CTNND2: variants seen among roughly 807,000 people sequenced by gnomAD.
CTNND2 encodes catenin delta 2, also known as catenin delta-2.
A neutral mutation model predicts 144.4 loss-of-function variants in CTNND2; 22 were observed. The observed-to-expected ratio is 0.15, with a 90% CI of 0.11 to 0.22. CTNND2 has a LOEUF of 0.22. CTNND2 is among the 10% of genes least tolerant of loss of function. The pLI is 1.00. For synonymous variants in CTNND2, 751 were observed against 695.6 expected (o/e 1.08, Z -1.25); for missense variants, 1,353 against 1,618.8 (o/e 0.84, Z 2.82).
intron 9 of CTNND2, among the ~76,000 whole-genome samples, chr5:11,346,045 A>G (rs1754744696): frequency 1.3e-5 from 2 of 152,208 alleles, no homozygotes; most frequent in African/African-American, 4.8e-5. Flanking sequence ...TATGTAGGCC[A>G]TGATATCTGA....
chr5:11,226,036 C>T (rs1740303559), intron 10 of CTNND2, among the ~76,000 whole-genome samples: 1 of 152,192 alleles, frequency 6.6e-6, no homozygotes, highest in Admixed American at 6.5e-5. Flanking sequence ...AGAAGCCAGG[C>T]AGAGGCAAGG....
chr5:11,397,441 A>C (rs1276846048), intron 5 of CTNND2, among the ~76,000 whole-genome samples: 1 of 152,158 alleles, frequency 6.6e-6, no homozygotes, highest in Non-Finnish European at 1.5e-5. Flanking sequence ...AGATTTTTCA[A>C]ATGATCTCAT....
intron 3 of CTNND2, among the ~76,000 whole-genome samples, chr5:11,468,922 T>A (rs150990552): frequency 3.4e-3 from 519 of 152,264 alleles, no homozygotes; most frequent in African/African-American, 0.012. Context: ...GCCTGTGCTG[T>A]GGCCCTAAGG....
At chr5:11,412,503 A>G (rs1006805716) in intron 3 of CTNND2, among the ~76,000 whole-genome samples, 6 of 152,118 alleles carry the variant, frequency 3.9e-5, no homozygotes, top group Admixed American at 2.0e-4. Context: ...CCATTTAGCC[A>G]TATCATATTA....
At chr5:11,745,579 T>C (rs1378686084) in intron 1 of CTNND2, among the ~76,000 whole-genome samples, 1 of 152,160 alleles carries the variant, frequency 6.6e-6, no homozygotes, top group Middle Eastern at 3.2e-3. Flanking sequence ...ATACTATACA[T>C]TTGTAATAAG....
chr5:11,141,930 T>G lies in CTNND2; in HGVS notation c.2159+17646A>C, dbSNP rs572067322. 1.8e-3 allele frequency among the ~76,000 whole-genome samples: 268 copies of G among 152,296 alleles called. 1 individual carries two copies. The highest frequency in any genetic ancestry group is 3.5e-4 in the Non-Finnish European group (24 of 68,022). ...GAGGGCTCTCAATGGATTAACATTT[T>G]TATGGGAGTGGGTTCCTTATTGCAA... On this transcript the variant is annotated intron_variant, in intron 12 of 21. Coordinates refer to ENST00000304623, the MANE Select transcript of CTNND2 (RefSeq NM_001332.4).
chr5:11,419,931 A>G (rs896123622), intron 3 of CTNND2, among the ~76,000 whole-genome samples: 2 of 152,208 alleles, frequency 1.3e-5, no homozygotes, highest in African/African-American at 4.8e-5. Context: ...AAAATGAAAT[A>G]AAGGTACAGA....
chr5:11,902,810 C>A (rs1738017955), intron 1 of CTNND2, among the ~76,000 whole-genome samples: 1 of 152,108 alleles, frequency 6.6e-6, no homozygotes, highest in Admixed American at 6.5e-5. Context: ...ACCTTGGAAA[C>A]ACAACCTGCC....
At chr5:11,434,791 T>C (rs1222615045) in intron 3 of CTNND2, among the ~76,000 whole-genome samples, 1 of 152,208 alleles carries the variant, frequency 6.6e-6, no homozygotes, top group Non-Finnish European at 1.5e-5. Context: ...ATGCCTCCTA[T>C]ATTAATAGTA....
At chr5:11,340,461 G>T (rs1016676374) in intron 9 of CTNND2, among the ~76,000 whole-genome samples, 9 of 152,100 alleles carry the variant, frequency 5.9e-5, no homozygotes, top group African/African-American at 1.9e-4. Context: ...CTCCATCCTG[G>T]GGCCAGGATG....
chr5:11,648,080 A>G (rs1299205014), intron 2 of CTNND2, among the ~76,000 whole-genome samples: 3 of 151,932 alleles, frequency 2.0e-5, no homozygotes, highest in African/African-American at 7.3e-5. Flanking sequence ...AACTTTTATC[A>G]TATCACTTAG....
At chr5:11,174,851 A>G (rs947903008) in intron 11 of CTNND2, among the ~76,000 whole-genome samples, 1 of 152,226 alleles carries the variant, frequency 6.6e-6, no homozygotes, top group Admixed American at 6.5e-5. Flanking sequence ...TTTTCAGAAA[A>G]CAATTTAGAA....
At chr5:11,378,162 G>A (rs1490524960) in intron 7 of CTNND2, among the ~76,000 whole-genome samples, 1 of 152,182 alleles carries the variant, frequency 6.6e-6, no homozygotes, top group East Asian at 1.9e-4. Flanking sequence ...GGTGGAAGCA[G>A]GAAATGGCTG....
At chr5:11,196,820 G>A (rs1225654340) in intron 11 of CTNND2, among the ~76,000 whole-genome samples, 6 of 152,228 alleles carry the variant, frequency 3.9e-5, no homozygotes, top group African/African-American at 1.2e-4. Context: ...AGACATCTCC[G>A]TGGCTGCACT....
chr5:11,895,707 A>T (rs1258176916), intron 1 of CTNND2, among the ~76,000 whole-genome samples: 1 of 152,230 alleles, frequency 6.6e-6, no homozygotes, highest in African/African-American at 2.4e-5. Flanking sequence ...AACTGTTAAG[A>T]CATGACAGAG....
intron 8 of CTNND2, among the ~76,000 whole-genome samples, chr5:11,359,201 GTT>G (rs1756197021): frequency 6.6e-6 from 1 of 152,132 alleles, no homozygotes; most frequent in African/African-American, 2.4e-5. Context: ...ATAAGCTCTG[GTT>G]TTGACAAGCC....
At chr5:11,565,092 T>C (rs1776971978) in intron 2 of CTNND2, 36 bp from the exon 3 acceptor site, 4 of 1,425,456 alleles carry the variant, frequency 2.8e-6, no homozygotes, top group Middle Eastern at 1.7e-4. Flanking sequence ...AATTCAATCA[T>C]CTACATGACA....
intron 3 of CTNND2, among the ~76,000 whole-genome samples, chr5:11,457,912 T>C (rs1173811695): frequency 3.3e-5 from 5 of 152,158 alleles, no homozygotes; most frequent in Non-Finnish European, 7.3e-5. Flanking sequence ...CCGTGATGGC[T>C]GATGAGACGC....
intron 11 of CTNND2, among the ~76,000 whole-genome samples, chr5:11,193,201 C>T (rs569591759): frequency 6.6e-6 from 1 of 152,312 alleles, no homozygotes; most frequent in South Asian, 2.1e-4. Context: ...TTTTACACAT[C>T]AGCTAACTTA....
Sources: gnomAD v4.1 joint callset for allele counts (sites outside exome capture counted in the v4.1 genomes callset) on GRCh38, gnomAD v4.1.1 for gene constraint, MANE v1.5 for transcripts, NCBI Gene and HGNC (gene_info 2026-07-23, HGNC 2026-07-21) for gene names.